COX10: variants seen among roughly 807,000 people sequenced by gnomAD.
COX10 encodes the protein cytochrome c oxidase assembly factor heme A:farnesyltransferase COX10, also known as protoheme IX farnesyltransferase, mitochondrial.
Under a neutral mutation model 37.3 loss-of-function variants are expected in COX10, and 27 were observed. That is an observed-to-expected ratio of 0.72 (90% CI 0.53 to 1.00). The LOEUF is 1.00. Among genes scored for constraint, COX10 ranks in the 50% least tolerant of loss-of-function variants. COX10 has a pLI of 0.00. For missense variants in COX10, 475 were observed against 563.2 expected (o/e 0.84, Z 1.59); for synonymous variants, 222 against 229.1 (o/e 0.97, Z 0.28).
chr17:14,201,109 C>T (rs1174929618), intron 6 of COX10, among the ~76,000 whole-genome samples: 1 of 152,130 alleles, frequency 6.6e-6, no homozygotes, highest in Non-Finnish European at 1.5e-5. Context: ...AAATGGACTG[C>T]TTTAGGAGCT....
chr17:14,195,771 G>T (rs1000324426), intron 6 of COX10, among the ~76,000 whole-genome samples: 1 of 152,164 alleles, frequency 6.6e-6, no homozygotes, highest in African/African-American at 2.4e-5. Context: ...GGGCTGGGGT[G>T]GGGTCTGAGA....
At chr17:14,102,518 T>G (rs956297932) in intron 4 of COX10, among the ~76,000 whole-genome samples, 1 of 152,158 alleles carries the variant, frequency 6.6e-6, no homozygotes, top group African/African-American at 2.4e-5. Flanking sequence ...GTCATAACTT[T>G]CTACTCTTAG....
rs563897794 is a variant in COX10, at chr17:14,093,185, C to T, written c.500-8933C>T. Among the ~76,000 whole-genome samples the T allele has an allele frequency of 2.0e-5, 3 of 152,078 alleles. No individual in the cohort carries two copies. The East Asian group carries it at 5.8e-4, about 29-fold the overall frequency. On this transcript the variant is annotated intron_variant, in intron 3 of 6. Coordinates refer to ENST00000261643, the MANE Select transcript of COX10 (RefSeq NM_001303.4). The stretch of plus-strand genomic sequence containing the variant: ...TTTAGCCAGTGGCTTTAATCTTGCT[C>T]CCAGATCTTTTATCAGAATTGATAG...
chr17:14,207,351 G>GTTT lies in COX10; in HGVS notation c.*150_*152dup. 105 of 890,778 alleles carry GTTT rather than the reference G, an allele frequency of 1.2e-4. No individual in the cohort carries two copies. Among genetic ancestry groups the GTTT allele is most frequent in the South Asian group, 2.0e-4 (8 of 40,870 alleles). The allele number at this position is 890,778 out of a possible 1,614,324, so 55.2% of individuals were successfully genotyped here. A position where few individuals can be genotyped will look rare whatever the true frequency, so the allele number is the denominator to read the frequency against. On this transcript the variant is annotated 3_prime_UTR_variant, in exon 7 of 7. Transcript: ENST00000261643. ...TTCGGTGCTCAGTGATCACTTGACA[G>GTTT]TTTTTTTTTTTTTTAAATATTACCC... is the stretch of plus-strand genomic sequence containing the variant.
chr17:14,133,237 A>G (rs1441393457), intron 4 of COX10, among the ~76,000 whole-genome samples: 1 of 151,740 alleles, frequency 6.6e-6, no homozygotes, highest in Non-Finnish European at 1.5e-5. Flanking sequence ...ACCTATTTAC[A>G]TCTAAACATG....
At chr17:14,084,132 A>G (rs1915358231) in intron 3 of COX10, among the ~76,000 whole-genome samples, 2 of 152,188 alleles carry the variant, frequency 1.3e-5, no homozygotes, top group Admixed American at 1.3e-4. Flanking sequence ...TCACTTGTAT[A>G]GTTTAAGAAG....
intron 5 of COX10, among the ~76,000 whole-genome samples, chr17:14,172,232 T>C (rs1905492313): frequency 6.6e-6 from 1 of 152,034 alleles, no homozygotes; most frequent in Non-Finnish European, 1.5e-5. Flanking sequence ...AGTACAGGTA[T>C]CTTTTTGATT....
chr17:14,079,017 T>G (rs1915220032), intron 3 of COX10, among the ~76,000 whole-genome samples: 2 of 152,160 alleles, frequency 1.3e-5, no homozygotes, highest in Admixed American at 6.5e-5. Flanking sequence ...AGTCTCCCTT[T>G]TCAAAACTTG....
chr17:14,174,123 T>A (rs1329173713), intron 5 of COX10, among the ~76,000 whole-genome samples: 1 of 151,418 alleles, frequency 6.6e-6, no homozygotes, highest in African/African-American at 2.4e-5. Flanking sequence ...ATGTACAGAA[T>A]ATAGAAAGAA....
chr17:14,088,344 G>A (rs1387580140), intron 3 of COX10, among the ~76,000 whole-genome samples: 1 of 152,036 alleles, frequency 6.6e-6, no homozygotes, highest in Non-Finnish European at 1.5e-5. Context: ...TGCTTCTGCA[G>A]ATTTTTCTTC....
intron 5 of COX10, among the ~76,000 whole-genome samples, chr17:14,179,013 T>C (rs1905772820): frequency 1.3e-5 from 2 of 152,164 alleles, no homozygotes; most frequent in Non-Finnish European, 1.5e-5. Context: ...GCTATGATTC[T>C]GCTTTGTAAC....
chr17:14,152,842 A>G (rs7210500), intron 4 of COX10, among the ~76,000 whole-genome samples: 6,509 of 152,254 alleles, frequency 0.043, 208 homozygotes, highest in African/African-American at 0.091. Flanking sequence ...AAGAAGCTGG[A>G]AAAGCTCGGG....
At chr17:14,084,581 CTT>C (rs1439303073) in intron 3 of COX10, among the ~76,000 whole-genome samples, 1 of 152,130 alleles carries the variant, frequency 6.6e-6, no homozygotes, top group East Asian at 1.9e-4. Flanking sequence ...TTTTTAGTGA[CTT>C]TTAAAATTTA....
rs549049771 is a variant in COX10 at position 14,084,868 on chromosome 17, C to T, written c.499+7812C>T. On this transcript the variant is annotated intron_variant, in intron 3 of 6. Transcript: ENST00000261643. ...AGAGACGGGGTTTCGCCATGTTGGCCAGGCTGGTCTTGAACTCCTGACCTC... is the reference window on the plus strand; with the variant it reads ...AGAGACGGGGTTTCGCCATGTTGGCTAGGCTGGTCTTGAACTCCTGACCTC... Among the ~76,000 whole-genome samples the T allele has an allele frequency of 2.1e-3, 321 of 152,250 alleles. 1 individual carries two copies. The highest frequency in any genetic ancestry group is 7.5e-3 in the African/African-American group (311 of 41,548).
Position 14,071,742 on chromosome 17 carries a change from A to AAAG in COX10, c.43+2096_43+2097insGAA, listed in dbSNP as rs1473554487. Among the ~76,000 whole-genome samples, 8 of 150,698 alleles carry AAAG rather than the reference A, an allele frequency of 5.3e-5. No individual in the cohort carries two copies. In the South Asian group the frequency reaches 1.5e-3, roughly 28 times the overall value. On this transcript the variant is annotated intron_variant, in intron 1 of 6. Coordinates refer to ENST00000261643, the MANE Select transcript of COX10 (RefSeq NM_001303.4). ...CTACTAAAAATACCAAAAAAAAAAA[A>AAAG]AAAAAAAATTAGCCAAGCGCAATGG...
chr17:14,180,720 C>G (rs1905832139), intron 5 of COX10, among the ~76,000 whole-genome samples: 1 of 152,142 alleles, frequency 6.6e-6, no homozygotes, highest in African/African-American at 2.4e-5. Context: ...GTTTTAGGAG[C>G]AAATATCTTT....
rs539644733 is a variant in COX10 at position 14,086,679 on chromosome 17, G to T, written c.499+9623G>T. The stretch of plus-strand genomic sequence containing the variant: ...CAGGAATACATCAAATAATGATTAA[G>T]TTTATCTCCTTTTTCATGTTTATGC... On this transcript the variant is annotated intron_variant, in intron 3 of 6. Transcript: ENST00000261643. 4.7e-3 allele frequency among the ~76,000 whole-genome samples: 708 copies of T among 152,130 alleles called. 1 individual carries two copies. The highest frequency in any genetic ancestry group is 6.7e-3 in the Non-Finnish European group (453 of 67,972).
rs573707773 is a variant in COX10 at position 14,137,044 on chromosome 17, G to A, written c.625-22833G>A. On this transcript the variant is annotated intron_variant, in intron 4 of 6. Transcript: ENST00000261643. ...ATTTAATGGGTAAAGATGTTTTTAGGTGGTGTGTTTTTTTAATTGTTTTAC... is the reference window on the plus strand; with the variant it reads ...ATTTAATGGGTAAAGATGTTTTTAGATGGTGTGTTTTTTTAATTGTTTTAC... Among the ~76,000 whole-genome samples the A allele has an allele frequency of 3.8e-4, 57 of 151,894 alleles. No homozygotes were observed. The South Asian group carries it at 0.011, about 30-fold the overall frequency.
chr17:14,114,107 A>G (rs1413066593), intron 4 of COX10, among the ~76,000 whole-genome samples: 2 of 152,080 alleles, frequency 1.3e-5, no homozygotes, highest in Non-Finnish European at 2.9e-5. Context: ...CCATATTAGT[A>G]TATTTTTTGA....
Sources: gnomAD v4.1 joint callset for allele counts (sites outside exome capture counted in the v4.1 genomes callset) on GRCh38, gnomAD v4.1.1 for gene constraint, MANE v1.5 for transcripts, NCBI Gene and HGNC (gene_info 2026-07-23, HGNC 2026-07-21) for gene names.